Variants in LIN52 observed in about 807,000 individuals in gnomAD.
The protein encoded by LIN52 is protein lin-52 homolog.
LIN52 carries 4 observed loss-of-function variants against 18.5 expected under a neutral mutation model. The observed-to-expected ratio is 0.22, with a 90% CI of 0.11 to 0.49. LIN52 has a LOEUF of 0.49. Among genes scored for constraint, LIN52 ranks in the 20% least tolerant of loss-of-function variants. The pLI is 0.97. For missense variants in LIN52, 102 were observed against 139.5 expected (o/e 0.73, Z 1.35); for synonymous variants, 34 against 45.5 (o/e 0.75, Z 1.02).
chr14:74,191,502 A>G (rs1195126768), intron 5 of LIN52, among the ~76,000 whole-genome samples: 1 of 152,226 alleles, frequency 6.6e-6, no homozygotes, highest in African/African-American at 2.4e-5. Context: ...CCAAAAAAGT[A>G]ATTTTAAAAG....
At chr14:74,090,018 CT>C (rs34660535) in intron 1 of LIN52, among the ~76,000 whole-genome samples, 245 of 125,818 alleles carry the variant, frequency 1.9e-3, no homozygotes, top group Non-Finnish European at 2.2e-3. Flanking sequence ...ACAGTGCACT[CT>C]TTTTTTTTTT....
At position 74,101,192 on chromosome 14, in the gene LIN52, G is replaced by A; in HGVS notation, c.237G>A (p.Lys79=). The A allele has an allele frequency of 6.2e-7, 1 of 1,611,008 alleles. No homozygotes were observed. Among genetic ancestry groups the A allele is most frequent in the Non-Finnish European group, 8.5e-7 (1 of 1,179,056 alleles). Residue 79 remains lysine, a synonymous_variant, in exon 5 of 6, where the codon AAG becomes AAA. Transcript: ENST00000555028. ...TCACCACGGCTAATTTGATGGAGAAGGTTCGAGGCCTACAGAACCTAGCCT... is the reference window on the plus strand; with the variant it reads ...TCACCACGGCTAATTTGATGGAGAAAGTTCGAGGCCTACAGAACCTAGCCT... The part of the protein sequence containing the change: ...GSLTTANLME[K]VRGLQNLAYQ...
Position 74,199,744 on chromosome 14 carries a change from A to G in LIN52, c.*767A>G, listed in dbSNP as rs1008031141. Reference sequence around the variant, plus strand: ...ACTTTTGAGTTCTAATTAATCTGTTACAGCTTCAAGCAAGAAAGTCAGTAT... The same window carrying G: ...ACTTTTGAGTTCTAATTAATCTGTTGCAGCTTCAAGCAAGAAAGTCAGTAT... On this transcript the variant is annotated 3_prime_UTR_variant, in exon 6 of 6. Coordinates refer to ENST00000555028, the MANE Select transcript of LIN52 (RefSeq NM_001024674.3). The G allele has an allele frequency of 4.6e-5, 7 of 152,228 alleles. No homozygotes were observed. The highest frequency in any genetic ancestry group is 1.7e-4 in the African/African-American group (7 of 41,456). The allele number at this position is 152,228 out of a possible 1,614,324, so 9.4% of individuals were successfully genotyped here.
At chr14:74,103,797 A>G (rs188913536) in intron 5 of LIN52, among the ~76,000 whole-genome samples, 1 of 117,512 alleles carries the variant, frequency 8.5e-6, no homozygotes, top group Non-Finnish European at 1.6e-5. Context: ...TATGTTGCCT[A>G]GGCTGGACTT....
At position 74,123,370 on chromosome 14, in the gene LIN52, A is replaced by G. The variant is rs530320777; in HGVS notation, c.283+22132A>G. 3.9e-5 allele frequency among the ~76,000 whole-genome samples: 6 copies of G among 152,312 alleles called. No individual in the cohort carries two copies. In the East Asian group the frequency reaches 9.6e-4, roughly 24 times the overall value. ...CTGATTGGATATATTGGGATTGGGA[A>G]GTCCTGGGCAGTAAGAATGAGGAAC... On this transcript the variant is annotated intron_variant, in intron 5 of 5. Coordinates refer to ENST00000555028, the MANE Select transcript of LIN52 (RefSeq NM_001024674.3).
At chr14:74,193,727 G>A (rs2078894652) in intron 5 of LIN52, among the ~76,000 whole-genome samples, 1 of 152,050 alleles carries the variant, frequency 6.6e-6, no homozygotes, top group Non-Finnish European at 1.5e-5. Flanking sequence ...AAGGAGCTCA[G>A]AAAAATAACT....
At chr14:74,096,037 T>G in intron 3 of LIN52, 52 bp downstream of exon 3, 2 of 1,221,234 alleles carry the variant, frequency 1.6e-6, no homozygotes, top group South Asian at 2.6e-5. Context: ...CGCTCCTGAG[T>G]AAAAGCTCAG....
chr14:74,160,832 G>C (rs2061221267), intron 5 of LIN52, among the ~76,000 whole-genome samples: 1 of 152,158 alleles, frequency 6.6e-6, no homozygotes, highest in Admixed American at 6.5e-5. Flanking sequence ...CAATTCATGA[G>C]ACTCATATAT....
chr14:74,137,170 A>T (rs765084087), intron 5 of LIN52, among the ~76,000 whole-genome samples: 1,331 of 106,624 alleles, frequency 0.012, 12 homozygotes, highest in South Asian at 0.033. Context: ...ATATATATAT[A>T]TATTTTTTTA....
At chr14:74,090,563 C>T (rs564214917) in intron 1 of LIN52, among the ~76,000 whole-genome samples, 1 of 151,266 alleles carries the variant, frequency 6.6e-6, no homozygotes, top group East Asian at 2.0e-4. Flanking sequence ...TCTCAAACTC[C>T]TGACCTTGTG....
At chr14:74,174,553 A>G (rs1024599213) in intron 5 of LIN52, 1 of 152,094 alleles carries the variant, frequency 6.6e-6, no homozygotes, top group African/African-American at 2.4e-5. Flanking sequence ...GTAGTGCGCT[A>G]TGCCAATCAG....
chr14:74,160,669 A>AC (rs1400113258), intron 5 of LIN52, among the ~76,000 whole-genome samples: 1 of 152,204 alleles, frequency 6.6e-6, no homozygotes, highest in East Asian at 1.9e-4. Flanking sequence ...AGTCTACTAA[A>AC]CACTAACTAA....
intron 5 of LIN52, among the ~76,000 whole-genome samples, chr14:74,189,219 G>T (rs1354388748): frequency 6.6e-6 from 1 of 152,146 alleles, no homozygotes; most frequent in Non-Finnish European, 1.5e-5. Context: ...TTATGGATGA[G>T]GATATTAAGT....
At chr14:74,170,011 A>G (rs1284983999) in intron 5 of LIN52, among the ~76,000 whole-genome samples, 1 of 152,252 alleles carries the variant, frequency 6.6e-6, no homozygotes, top group Non-Finnish European at 1.5e-5. Flanking sequence ...CCAGATGGAC[A>G]TCAGCAGTAC....
At chr14:74,190,242 C>G (rs537254047) in intron 5 of LIN52, among the ~76,000 whole-genome samples, 15 of 152,230 alleles carry the variant, frequency 9.9e-5, no homozygotes, top group African/African-American at 2.6e-4. Flanking sequence ...GAAAGATAAT[C>G]TAGAAAGTGT....
In LIN52 at chr14:74,137,498, C is replaced by CTTTTTTTTTTTTTTT. The variant is rs71460959; in HGVS notation, c.283+36264_283+36278dup. 4.2e-3 allele frequency among the ~76,000 whole-genome samples: 464 copies of CTTTTTTTTTTTTTTT among 111,558 alleles called. 38 individuals carry two copies. The highest frequency in any genetic ancestry group is 0.013 in the African/African-American group (348 of 26,834). The allele number at this position is 111,558 out of a possible 152,430, so 73.2% of individuals were successfully genotyped here. On this transcript the variant is annotated intron_variant, in intron 5 of 5. Coordinates refer to ENST00000555028, the MANE Select transcript of LIN52 (RefSeq NM_001024674.3). ...GCACTAAATTCTTCACAGCAGCTCT[C>CTTTTTTTTTTTTTTT]TTTTTTTTTTTTTTTTTTGAGATGG...
At chr14:74,183,813 A>T (rs928422960) in intron 5 of LIN52, among the ~76,000 whole-genome samples, 1 of 152,156 alleles carries the variant, frequency 6.6e-6, no homozygotes, top group East Asian at 1.9e-4. Flanking sequence ...CATATCTCTA[A>T]CCAGAAGATC....
At chr14:74,141,362 G>A (rs1414790359) in intron 5 of LIN52, among the ~76,000 whole-genome samples, 1 of 152,080 alleles carries the variant, frequency 6.6e-6, no homozygotes, top group African/African-American at 2.4e-5. Context: ...AACATGTCTT[G>A]GATATCTTTC....
intron 5 of LIN52, among the ~76,000 whole-genome samples, chr14:74,148,447 G>A (rs2061162765): frequency 6.6e-6 from 1 of 152,118 alleles, no homozygotes; most frequent in Non-Finnish European, 1.5e-5. Flanking sequence ...TTTGATCACA[G>A]TACAAGAGAG....
Sources: allele counts gnomAD v4.1 joint callset (sites outside exome capture counted in the v4.1 genomes callset), GRCh38; gene constraint gnomAD v4.1.1; transcripts MANE v1.5; gene names NCBI Gene and HGNC (gene_info 2026-07-23, HGNC 2026-07-21).